The following ABCB11 variants were observed in gnomAD, a reference collection of about 807,000 sequenced individuals.
The protein encoded by ABCB11 is bile salt export pump.
Under a neutral mutation model 148.0 loss-of-function variants are expected in ABCB11, and 95 were observed. That is an observed-to-expected ratio of 0.64 (90% confidence interval 0.54 to 0.76). The LOEUF is 0.76. Among genes scored for constraint, ABCB11 ranks in the 30% least tolerant of loss-of-function variants. The probability of loss-of-function intolerance (pLI) is 0.00; values close to 1 mark genes in which losing one functional copy is unlikely to be tolerated. For synonymous variants in ABCB11, 591 were observed against 555.4 expected (o/e 1.06, Z -0.90); for missense variants, 1,523 against 1,617.8 (o/e 0.94, Z 1.01).
At chr2:168,950,140 TACACACACACAC>T (rs36026125) in intron 19 of ABCB11, among the ~76,000 whole-genome samples, 65 of 144,038 alleles carry the variant, frequency 4.5e-4, no homozygotes, top group African/African-American at 1.4e-3. Flanking sequence ...TATATATATA[TACACACACACAC>T]ACACACACAC....
intron 21 of ABCB11, among the ~76,000 whole-genome samples, chr2:168,942,531 A>G (rs1352205296): frequency 6.6e-6 from 1 of 151,808 alleles, no homozygotes; most frequent in East Asian, 1.9e-4. Flanking sequence ...GAAAGAATTA[A>G]TAAGACATAC....
chr2:168,994,978 C>T (rs535966886), intron 7 of ABCB11, among the ~76,000 whole-genome samples: 10 of 151,992 alleles, frequency 6.6e-5, no homozygotes, highest in Admixed American at 2.6e-4. Flanking sequence ...CAATAGGGTT[C>T]GACCAATTCT....
intron 17 of ABCB11, among the ~76,000 whole-genome samples, chr2:168,966,767 C>T (rs982334499): frequency 6.6e-6 from 1 of 151,766 alleles, no homozygotes; most frequent in South Asian, 2.1e-4. Context: ...AAGAAAAATC[C>T]GTCAGCATGT....
chr2:168,946,785 A>G (rs1471322319), intron 19 of ABCB11, among the ~76,000 whole-genome samples: 1 of 151,732 alleles, frequency 6.6e-6, no homozygotes, highest in Non-Finnish European at 1.5e-5. Flanking sequence ...GGTTATTACT[A>G]GATAAGAAAA....
At chr2:168,953,447 C>G (rs1476100920) in intron 19 of ABCB11, among the ~76,000 whole-genome samples, 1 of 107,642 alleles carries the variant, frequency 9.3e-6, no homozygotes, top group Non-Finnish European at 1.9e-5. Flanking sequence ...ACATAATTAT[C>G]TTGTCTTTTT....
At chr2:168,984,172 A>C (rs540245861) in intron 10 of ABCB11, among the ~76,000 whole-genome samples, 3 of 152,230 alleles carry the variant, frequency 2.0e-5, no homozygotes, top group African/African-American at 7.2e-5. Context: ...AGGGAGCAGG[A>C]TAAGAAGCCT....
rs774266811 is a variant in ABCB11 at position 168,995,382 on chromosome 2, T to C, written c.578A>G (p.Asn193Ser). The C allele has an allele frequency of 6.2e-6, 10 of 1,612,394 alleles. No homozygotes were observed. Among genetic ancestry groups the C allele is most frequent in the Admixed American group, 1.7e-5 (1 of 59,790 alleles). The change falls in exon 7 of 28, where the codon AAT becomes AGT. Residue 193 changes from asparagine (N) to serine (S), a missense_variant. Physicochemically the swap from Asn to Ser is conservative, Grantham distance 46 (BLOSUM62 1). Coordinates refer to ENST00000650372, the MANE Select transcript of ABCB11 (RefSeq NM_003742.4). The stretch of plus-strand genomic sequence containing the variant: ...TCTTGTATTCAGCTCCCCCACTGAA[T>C]TGCAGTCAAACCACCCTATTTCCAT... ...MRMEIGWFDC[N>S]SVGELNTRFS...
At chr2:168,973,639 CT>C in intron 13 of ABCB11, 75 bp downstream of exon 13, 5 of 1,545,210 alleles carry the variant, frequency 3.2e-6, no homozygotes, top group Non-Finnish European at 4.4e-6. Context: ...TATGCTACAC[CT>C]TTCTGTTTGA....
rs1691063288 is a variant in ABCB11, at chr2:168,921,113, A to G, written c.*2509T>C. Among the ~76,000 whole-genome samples the G allele has an allele frequency of 6.6e-6, 1 of 152,184 alleles. No individual in the cohort carries two copies. The highest frequency in any genetic ancestry group is 2.4e-5 in the African/African-American group (1 of 41,432). ...TTATTGCAAACCTTAATTTCCTCTA[A>G]AAGGCATCTTTACTCTGCAACTTAC... On this transcript the variant is annotated 3_prime_UTR_variant, in exon 28 of 28. Transcript: ENST00000650372.
At chr2:168,958,217 A>G in intron 18 of ABCB11, 89 bp from the exon 19 acceptor site, 1 of 1,318,370 alleles carries the variant, frequency 7.6e-7, no homozygotes, top group Non-Finnish European at 1.1e-6. Context: ...TTTAAGAGTC[A>G]TAGTTTGATT....
chr2:168,930,966 AACC>A, intron 24 of ABCB11, 104 bp from the exon 25 acceptor site: 1 of 1,034,136 alleles, frequency 9.7e-7, no homozygotes, highest in Non-Finnish European at 1.4e-6. Context: ...GATACCTTCA[AACC>A]ATGCTGCCAA....
intron 11 of ABCB11, among the ~76,000 whole-genome samples, chr2:168,979,597 G>A (rs181526113): frequency 1.3e-5 from 2 of 150,726 alleles, no homozygotes; most frequent in African/African-American, 2.5e-5. Flanking sequence ...GCTTGAACCT[G>A]GGAGGAGGGG....
intron 21 of ABCB11, among the ~76,000 whole-genome samples, chr2:168,938,898 T>C (rs1691947030): frequency 6.6e-6 from 1 of 151,980 alleles, no homozygotes; most frequent in Admixed American, 6.6e-5. Flanking sequence ...TAACAATATA[T>C]ACATATATTT....
intron 25 of ABCB11, 116 bp from the exon 26 acceptor site, chr2:168,927,478 A>G (rs1047056038): frequency 1.3e-6 from 1 of 785,774 alleles, no homozygotes; most frequent in African/African-American, 1.7e-5. Flanking sequence ...CAGACTAACA[A>G]TCCCAAGGCT....
chr2:168,978,159 T>TTTTC (rs1693995137), intron 11 of ABCB11, among the ~76,000 whole-genome samples: 2 of 141,942 alleles, frequency 1.4e-5, no homozygotes, highest in African/African-American at 5.3e-5. Flanking sequence ...TTTTTTTTTT[T>TTTTC]TTCAGAGACA....
intron 3 of ABCB11, among the ~76,000 whole-genome samples, chr2:169,014,750 T>C (rs547085592): frequency 3.2e-4 from 49 of 152,316 alleles, no homozygotes; most frequent in African/African-American, 1.1e-3. Flanking sequence ...TTCCTCATGC[T>C]TAAAAATATT....
intron 10 of ABCB11, 45 bp downstream of exon 10, chr2:168,986,065 A>C (rs751568002): frequency 2.0e-5 from 28 of 1,395,646 alleles, no homozygotes; most frequent in Non-Finnish European, 2.6e-5. Context: ...CTTTTCTGAG[A>C]TACCAGAAGG....
Position 168,923,856 on chromosome 2 carries a change from T to C in ABCB11, c.3766-34A>G, listed in dbSNP as rs579275. 0.54 allele frequency: 861,605 copies of C among 1,605,114 alleles called. 235,595 individuals are homozygous for C. Among genetic ancestry groups the C allele is most frequent in the South Asian group, 0.66 (59,786 of 90,804 alleles). On this transcript the variant is annotated intron_variant, in intron 27 of 27. Transcript: ENST00000650372. ...AGAAGATGGAAAGTTGATGCAAAGA[T>C]GCATGATTGCTCCCCAGCCCACCAT...
At chr2:168,993,002 T>C (rs1167287100) in intron 8 of ABCB11, among the ~76,000 whole-genome samples, 1 of 152,018 alleles carries the variant, frequency 6.6e-6, no homozygotes, top group East Asian at 1.9e-4. Context: ...TTCTCAGTCC[T>C]TGGGAGTGTT....
Sources: gnomAD v4.1 joint callset for allele counts (sites outside exome capture counted in the v4.1 genomes callset) on GRCh38, gnomAD v4.1.1 for gene constraint, MANE v1.5 for transcripts, NCBI Gene and HGNC (gene_info 2026-07-23, HGNC 2026-07-21) for gene names.